Variants in TSC22D1 observed in about 807,000 individuals in gnomAD.
TSC22D1 encodes the protein TSC22 domain family member 1.
In TSC22D1, 9 loss-of-function variants were observed where a neutral mutation model predicts 74.2. The ratio of observed to expected loss-of-function variants is 0.12; its 90% CI spans 0.07 to 0.21. The LOEUF (loss-of-function observed/expected upper bound fraction) is 0.21, where lower values mean the gene tolerates loss of function less well. TSC22D1 is among the 10% of genes least tolerant of loss of function. TSC22D1 has a pLI of 1.00. For missense variants in TSC22D1, 1,427 were observed against 1,304.7 expected (o/e 1.09, Z -1.44); for synonymous variants, 586 against 492.5 (o/e 1.19, Z -2.51).
chr13:44,548,217 A>G lies in TSC22D1; in HGVS notation c.2912+24946T>C, dbSNP rs1387124306. On this transcript the variant is annotated intron_variant, in intron 1 of 2. Transcript: ENST00000458659. ...AACAACTGAGTACTTCTTTTTAAAT[A>G]CTTAGTATATAGACTGGGGCTGGGC... 2.6e-5 allele frequency among the ~76,000 whole-genome samples: 4 copies of G among 152,348 alleles called. No individual in the cohort carries two copies. The East Asian group carries it at 7.7e-4, about 29-fold the overall frequency.
intron 1 of TSC22D1, chr13:44,436,495 G>A (rs955361944): frequency 9.9e-6 from 16 of 1,610,998 alleles, no homozygotes; most frequent in African/African-American, 2.7e-5. Context: ...TATCTTAGCC[G>A]ACATTTACCT....
chr13:44,543,851 T>A (rs1485623292), intron 1 of TSC22D1, among the ~76,000 whole-genome samples: 3 of 152,162 alleles, frequency 2.0e-5, no homozygotes, highest in Non-Finnish European at 4.4e-5. Context: ...CAGCACTTTG[T>A]GAAGCTGAGG....
At chr13:44,515,854 G>C (rs1227969341) in intron 1 of TSC22D1, among the ~76,000 whole-genome samples, 1 of 152,066 alleles carries the variant, frequency 6.6e-6, no homozygotes, top group East Asian at 1.9e-4. Flanking sequence ...ATTTAAAACA[G>C]GTATAAGAGC....
At chr13:44,436,701 TC>T (rs1382492464) in intron 1 of TSC22D1, 3 of 1,519,120 alleles carry the variant, frequency 2.0e-6, no homozygotes, top group Non-Finnish European at 2.6e-6. Context: ...CTAGATAAAA[TC>T]TTCTGGCTTT....
At chr13:44,492,852 AC>A (rs1037190021) in intron 1 of TSC22D1, among the ~76,000 whole-genome samples, 4 of 152,162 alleles carry the variant, frequency 2.6e-5, no homozygotes, top group East Asian at 1.9e-4. Context: ...GACAAAAAAA[AC>A]TTCTTAAAAT....
At chr13:44,534,152 G>A (rs1391307922) in intron 1 of TSC22D1, among the ~76,000 whole-genome samples, 1 of 151,614 alleles carries the variant, frequency 6.6e-6, no homozygotes, top group African/African-American at 2.4e-5. Flanking sequence ...CTGAACCTGG[G>A]GAGTTCGAGG....
In TSC22D1 at chr13:44,575,822, G is replaced by A. The variant is rs777024824; in HGVS notation, c.253C>T (p.Leu85=). 8.1e-6 allele frequency: 13 copies of A among 1,613,792 alleles called. No individual in the cohort carries two copies. The highest frequency in any genetic ancestry group is 1.6e-4 in the Middle Eastern group (1 of 6,082). The change falls in exon 1 of 3, where the codon CTG becomes TTG. Residue 85 remains leucine, a synonymous_variant. Transcript: ENST00000458659. ...SGPQPPPPQS[L]NLLSQAQLQA... ...AGCTGAGCCTGCGAAAGGAGGTTCAGGCTTTGTGGAGGCGGAGGCTGTGGT... is the reference window on the plus strand; with the variant it reads ...AGCTGAGCCTGCGAAAGGAGGTTCAAGCTTTGTGGAGGCGGAGGCTGTGGT...
At chr13:44,485,807 T>C (rs985843816) in intron 1 of TSC22D1, among the ~76,000 whole-genome samples, 2 of 152,028 alleles carry the variant, frequency 1.3e-5, no homozygotes, top group African/African-American at 2.4e-5. Flanking sequence ...ACTGTCAAAT[T>C]TGTAGAATTA....
chr13:44,444,949 G>A (rs985326093), intron 1 of TSC22D1, among the ~76,000 whole-genome samples: 1 of 151,976 alleles, frequency 6.6e-6, no homozygotes, highest in Non-Finnish European at 1.5e-5. Flanking sequence ...AAAACCTCAA[G>A]CTCAAATGGT....
intron 1 of TSC22D1, among the ~76,000 whole-genome samples, chr13:44,519,258 C>T (rs947695711): frequency 6.6e-6 from 1 of 152,018 alleles, no homozygotes; most frequent in Non-Finnish European, 1.5e-5. Flanking sequence ...ACTTTCCTTC[C>T]CTTTTTTTCA....
chr13:44,438,772 T>A (rs7989089), intron 1 of TSC22D1, among the ~76,000 whole-genome samples: 1 of 151,964 alleles, frequency 6.6e-6, no homozygotes, highest in African/African-American at 2.4e-5. Context: ...GAAGCTGGCA[T>A]GTGGTCCCTA....
Position 44,575,865 on chromosome 13 carries a change from T to C in TSC22D1, c.210A>G (p.Ala70=), listed in dbSNP as rs910783282. 6 of 1,613,928 alleles carry C rather than the reference T, an allele frequency of 3.7e-6. 1 individual carries two copies. The East Asian group carries it at 6.7e-5, about 18-fold the overall frequency. Residue 70 remains alanine (A), a synonymous_variant, in exon 1 of 3, where the codon GCA becomes GCG. Transcript: ENST00000458659. The part of the protein sequence containing the change: ...PPSLLQPPPP[A]ASSTSGPQPP... Reference sequence around the variant, plus strand: ...GCTGTGGTCCCGACGTAGAAGATGCTGCAGGGGGCGGCGGCTGAAGCAGCG... The same window carrying C: ...GCTGTGGTCCCGACGTAGAAGATGCCGCAGGGGGCGGCGGCTGAAGCAGCG...
intron 1 of TSC22D1, among the ~76,000 whole-genome samples, chr13:44,522,161 T>G (rs1880346781): frequency 6.6e-6 from 1 of 152,154 alleles, no homozygotes; most frequent in Non-Finnish European, 1.5e-5. Context: ...AAGCTGAGAC[T>G]TAAAAGGGGC....
At chr13:44,541,593 T>A (rs1446206849) in intron 1 of TSC22D1, among the ~76,000 whole-genome samples, 1 of 152,178 alleles carries the variant, frequency 6.6e-6, no homozygotes, top group Non-Finnish European at 1.5e-5. Context: ...CAAAAGCCTT[T>A]TAGTATTTAA....
rs1022165678 is a variant in TSC22D1 at position 44,468,000 on chromosome 13, GCGCACA to G, written c.2913-31911_2913-31906del. ...ATATGGGATCAACCTATACACACAC[GCGCACA>G]CACACACACACACACAATGGAATAA... On this transcript the variant is annotated intron_variant, in intron 1 of 2. Transcript: ENST00000458659. Among the ~76,000 whole-genome samples, 10 of 115,094 alleles carry G rather than the reference GCGCACA, an allele frequency of 8.7e-5. No individual in the cohort carries two copies. The East Asian group carries it at 1.1e-3, about 12-fold the overall frequency. 75.5% of individuals were successfully genotyped at this position (115,094 alleles called of 152,430 possible).
At chr13:44,567,243 C>T (rs1376016595) in intron 1 of TSC22D1, among the ~76,000 whole-genome samples, 1 of 152,168 alleles carries the variant, frequency 6.6e-6, no homozygotes, top group East Asian at 1.9e-4. Context: ...GAAGAGCCTT[C>T]TTATAGGGAT....
At chr13:44,460,271 AG>A (rs1277766225) in intron 1 of TSC22D1, among the ~76,000 whole-genome samples, 1 of 152,232 alleles carries the variant, frequency 6.6e-6, no homozygotes, top group Non-Finnish European at 1.5e-5. Flanking sequence ...TCCTTAAAGT[AG>A]AGAGTTGCTT....
chr13:44,488,515 G>C (rs1467200491), intron 1 of TSC22D1, among the ~76,000 whole-genome samples: 1 of 151,936 alleles, frequency 6.6e-6, no homozygotes, highest in Non-Finnish European at 1.5e-5. Flanking sequence ...ATTTCCATTG[G>C]ATAGTGCTAT....
chr13:44,505,398 C>CA (rs761077076), intron 1 of TSC22D1, among the ~76,000 whole-genome samples: 1 of 152,030 alleles, frequency 6.6e-6, no homozygotes, highest in Non-Finnish European at 1.5e-5. Context: ...TACAAAAATA[C>CA]AAAAAATTAG....
Sources: allele counts gnomAD v4.1 joint callset (sites outside exome capture counted in the v4.1 genomes callset), GRCh38; gene constraint gnomAD v4.1.1; transcripts MANE v1.5; gene names NCBI Gene and HGNC (gene_info 2026-07-23, HGNC 2026-07-21).